PTPRZ1: variants seen among roughly 807,000 people sequenced by gnomAD.
PTPRZ1 encodes the protein protein tyrosine phosphatase receptor type Z1, also known as receptor-type tyrosine-protein phosphatase zeta.
Under a neutral mutation model 214.1 loss-of-function variants are expected in PTPRZ1, and 82 were observed. That is an observed-to-expected ratio of 0.38 (90% CI 0.32 to 0.46). PTPRZ1 has a LOEUF of 0.46. PTPRZ1 is among the 20% of genes least tolerant of loss of function. The pLI is 1.00. For synonymous variants in PTPRZ1, 945 were observed against 987.9 expected (o/e 0.96, Z 0.81); for missense variants, 2,603 against 2,748.7 (o/e 0.95, Z 1.19).
intron 1 of PTPRZ1, among the ~76,000 whole-genome samples, chr7:121,887,298 A>C (rs1315557636): frequency 6.6e-6 from 1 of 152,174 alleles, no homozygotes; most frequent in East Asian, 1.9e-4. Flanking sequence ...CACTTGAAAA[A>C]TAGAAAATAC....
At position 122,051,466 on chromosome 7, in the gene PTPRZ1, T is replaced by C. The variant is rs1201694652; in HGVS notation, c.6123T>C (p.Ser2041=). ...CAAATATACAGCAGAGTGACTATTCTGCAGCCCTAAAGCAATGCAACAGGG... is the reference window on the plus strand; with the variant it reads ...CAAATATACAGCAGAGTGACTATTCCGCAGCCCTAAAGCAATGCAACAGGG... ...SQSNIQQSDY[S]AALKQCNREK... The change falls in exon 24 of 30, where the codon TCT becomes TCC. Residue 2041 remains serine, a synonymous_variant. Coordinates refer to ENST00000393386, the MANE Select transcript of PTPRZ1 (RefSeq NM_002851.3). 2.5e-6 allele frequency: 4 copies of C among 1,613,808 alleles called. No homozygotes were observed. Among genetic ancestry groups the C allele is most frequent in the South Asian group, 2.2e-5 (2 of 91,076 alleles).
At chr7:122,036,771 G>T in intron 18 of PTPRZ1, 89 bp downstream of exon 18, 3 of 793,866 alleles carry the variant, frequency 3.8e-6, no homozygotes, top group Non-Finnish European at 6.1e-6. Flanking sequence ...ATATACTAGT[G>T]CTTAATGTCA....
At chr7:121,889,435 G>A (rs922414815) in intron 1 of PTPRZ1, among the ~76,000 whole-genome samples, 1 of 152,122 alleles carries the variant, frequency 6.6e-6, no homozygotes, top group Admixed American at 6.6e-5. Context: ...CACATCTTTA[G>A]TTACAAAATT....
chr7:121,892,309 A>C (rs1345440285), intron 1 of PTPRZ1, among the ~76,000 whole-genome samples: 1 of 151,958 alleles, frequency 6.6e-6, no homozygotes, highest in Admixed American at 6.6e-5. Flanking sequence ...CTGCTTTTTT[A>C]TGTTATGGCA....
intron 13 of PTPRZ1, 127 bp downstream of exon 13, chr7:122,019,395 AG>A (rs1427953933): frequency 4.7e-5 from 46 of 976,122 alleles, no homozygotes; most frequent in Non-Finnish European, 7.0e-5. Context: ...AATTTATTCA[AG>A]GTAAATTTGT....
chr7:122,058,894 T>C lies in PTPRZ1; in HGVS notation c.6623T>C (p.Ile2208Thr), dbSNP rs1407471827. The C allele has an allele frequency of 1.3e-6, 2 of 1,593,454 alleles. No homozygotes were observed. Among genetic ancestry groups the C allele is most frequent in the South Asian group, 2.2e-5 (2 of 90,580 alleles). The change falls in exon 28 of 30, where the codon ATA (isoleucine) becomes ACA (threonine). Residue 2208 changes from isoleucine (I) to threonine (T), a missense_variant. Coordinates refer to ENST00000393386, the MANE Select transcript of PTPRZ1 (RefSeq NM_002851.3). ...ISKTFELISV[I>T]KEEAANRDGP... ...AAAACTTTTGAACTTATAAGTGTTATAAAAGAAGAAGCTGCCAATAGGGAT... is the reference window on the plus strand; with the variant it reads ...AAAACTTTTGAACTTATAAGTGTTACAAAAGAAGAAGCTGCCAATAGGGAT...
intron 8 of PTPRZ1, among the ~76,000 whole-genome samples, chr7:121,992,566 A>C (rs1248864197): frequency 6.6e-6 from 1 of 152,224 alleles, no homozygotes; most frequent in Non-Finnish European, 1.5e-5. Flanking sequence ...ATGTGTATAA[A>C]TTTGAAAAGA....
At chr7:121,994,440 G>C (rs998366167) in intron 8 of PTPRZ1, among the ~76,000 whole-genome samples, 3 of 151,520 alleles carry the variant, frequency 2.0e-5, no homozygotes, top group African/African-American at 7.3e-5. Context: ...GATTACAGGC[G>C]CCCGCCACCA....
At chr7:122,041,332 ACCCC>A (rs1799727879) in intron 21 of PTPRZ1, among the ~76,000 whole-genome samples, 1 of 147,946 alleles carries the variant, frequency 6.8e-6, no homozygotes, top group Non-Finnish European at 1.5e-5. Context: ...TTGAGCTACA[ACCCC>A]TGTCCCTAGG....
chr7:121,967,819 C>A, intron 2 of PTPRZ1, 132 bp from the exon 3 acceptor site: 1 of 614,232 alleles, frequency 1.6e-6, no homozygotes, highest in Non-Finnish European at 2.8e-6. Context: ...TTATTTCATG[C>A]ATTAGTTCAA....
chr7:121,910,078 T>C (rs1253741475), intron 1 of PTPRZ1, among the ~76,000 whole-genome samples: 13 of 152,220 alleles, frequency 8.5e-5, no homozygotes. Flanking sequence ...TTCCTGGTAA[T>C]CTCCCCTGCC....
rs572333489 is a variant in PTPRZ1 at position 122,029,404 on chromosome 7, A to G, written c.5080+761A>G. ...GCATGTGCAGGTTTGCTACATGGAC[A>G]TGTTGCATATTCAAGCCACTTATTT... On this transcript the variant is annotated intron_variant, in intron 14 of 29. Transcript: ENST00000393386. Among the ~76,000 whole-genome samples the G allele has an allele frequency of 1.7e-3, 255 of 152,156 alleles. 1 individual carries two copies. Among genetic ancestry groups the G allele is most frequent in the Non-Finnish European group, 2.8e-3 (189 of 67,904 alleles).
At chr7:121,897,749 T>C (rs1289324204) in intron 1 of PTPRZ1, among the ~76,000 whole-genome samples, 4 of 152,146 alleles carry the variant, frequency 2.6e-5, no homozygotes, top group East Asian at 1.9e-4. Flanking sequence ...CTTTCCAAGG[T>C]TGCATGTAGT....
At chr7:122,014,744 G>T (rs183775230) in intron 12 of PTPRZ1, among the ~76,000 whole-genome samples, 2 of 152,086 alleles carry the variant, frequency 1.3e-5, no homozygotes, top group African/African-American at 4.8e-5. Context: ...GGCCAGGGAG[G>T]TATTTATGTA....
intron 1 of PTPRZ1, among the ~76,000 whole-genome samples, chr7:121,901,916 T>C (rs1042847896): frequency 7.2e-5 from 11 of 152,212 alleles, no homozygotes; most frequent in African/African-American, 2.4e-4. Context: ...TTGTTGGCTA[T>C]AGTCACCCTA....
In PTPRZ1 at chr7:121,958,474, A is replaced by G. The variant is rs905565344; in HGVS notation, c.125-9477A>G. 4.6e-5 allele frequency among the ~76,000 whole-genome samples: 7 copies of G among 152,184 alleles called. 1 individual carries two copies. In the South Asian group the frequency reaches 1.0e-3, roughly 23 times the overall value. On this transcript the variant is annotated intron_variant, in intron 2 of 29. Transcript: ENST00000393386. ...TGCCTAAATGTTAGTGCTTTCCACCATCTTATCACTGATCCTCTTCTTGCT... is the reference window on the plus strand; with the variant it reads ...TGCCTAAATGTTAGTGCTTTCCACCGTCTTATCACTGATCCTCTTCTTGCT...
chr7:121,899,500 A>C (rs1162744492), intron 1 of PTPRZ1, among the ~76,000 whole-genome samples: 3 of 152,194 alleles, frequency 2.0e-5, no homozygotes, highest in Admixed American at 6.5e-5. Flanking sequence ...AAGTTACTGA[A>C]AGCTCAGATT....
intron 22 of PTPRZ1, 129 bp downstream of exon 22, chr7:122,042,872 T>A: frequency 1.0e-6 from 1 of 964,470 alleles, no homozygotes; most frequent in South Asian, 1.6e-5. Flanking sequence ...AACAGAAGTT[T>A]ATTGTCTCAT....
intron 13 of PTPRZ1, among the ~76,000 whole-genome samples, chr7:122,022,475 C>G (rs1799046476): frequency 6.6e-6 from 1 of 152,098 alleles, no homozygotes; most frequent in Non-Finnish European, 1.5e-5. Flanking sequence ...GGAAGAAGCT[C>G]CCCGTACAGA....
Sources: gnomAD v4.1 joint callset for allele counts (sites outside exome capture counted in the v4.1 genomes callset) on GRCh38, gnomAD v4.1.1 for gene constraint, MANE v1.5 for transcripts, NCBI Gene and HGNC (gene_info 2026-07-23, HGNC 2026-07-21) for gene names.